DNMBP: variants seen among roughly 807,000 people sequenced by gnomAD.
DNMBP encodes the protein dynamin-binding protein.
In DNMBP, 87 loss-of-function variants were observed where a neutral mutation model predicts 150.0. The ratio of observed to expected loss-of-function variants is 0.58; its 90% CI spans 0.49 to 0.69. DNMBP has a LOEUF of 0.69. DNMBP is among the 30% of genes least tolerant of loss of function. The pLI is 0.00. For missense variants in DNMBP, 1,774 were observed against 1,949.0 expected (o/e 0.91, Z 1.69); for synonymous variants, 711 against 750.4 (o/e 0.95, Z 0.86).
chr10:99,915,106 A>AT (rs57930336), intron 4 of DNMBP, among the ~76,000 whole-genome samples: 3,053 of 102,390 alleles, frequency 0.03, 30 homozygotes, highest in South Asian at 0.055. Context: ...AAAAAAAAAA[A>AT]AAATATATAT....
intron 4 of DNMBP, among the ~76,000 whole-genome samples, chr10:99,915,054 A>T: frequency 6.9e-6 from 1 of 145,564 alleles, no homozygotes; most frequent in African/African-American, 2.5e-5. Context: ...AGATCGTACC[A>T]TTGCACTCCA....
chr10:100,001,015 G>A (rs563943612), intron 1 of DNMBP, among the ~76,000 whole-genome samples: 6 of 151,002 alleles, frequency 4.0e-5, no homozygotes, highest in East Asian at 2.0e-4. Flanking sequence ...GGCAGATCAC[G>A]AGGGAGGAGT....
rs140971832 is a variant in DNMBP at position 99,983,351 on chromosome 10, T to C, written c.-10-11217A>G. 6.3e-3 allele frequency among the ~76,000 whole-genome samples: 965 copies of C among 152,274 alleles called. 27 individuals are homozygous for C. The highest frequency in any genetic ancestry group is 0.052 in the Admixed American group (801 of 15,272). ...CAACACGAAGGCTAAATGAGTAATT[T>C]TTTCCCTTCGCATGAAAGGACGAGA... is the stretch of plus-strand genomic sequence containing the variant. On this transcript the variant is annotated intron_variant, in intron 1 of 16. Transcript: ENST00000324109.
chr10:99,974,802 T>C (rs1444083606), intron 1 of DNMBP, among the ~76,000 whole-genome samples: 2 of 152,138 alleles, frequency 1.3e-5, no homozygotes, highest in Non-Finnish European at 2.9e-5. Flanking sequence ...TGAGACAGGG[T>C]CCTATTCTGA....
chr10:99,877,612 C>T (rs2039297079), intron 16 of DNMBP, among the ~76,000 whole-genome samples: 1 of 151,978 alleles, frequency 6.6e-6, no homozygotes, highest in Admixed American at 6.6e-5. Flanking sequence ...GCCTGTAATC[C>T]CAGCACTCTG....
chr10:99,882,020 C>T (rs900513144), intron 15 of DNMBP, among the ~76,000 whole-genome samples: 10 of 152,160 alleles, frequency 6.6e-5, no homozygotes, highest in South Asian at 2.1e-4. Context: ...GTCAGCACCC[C>T]GTAATCAATT....
At chr10:99,899,822 TTAAAA>T (rs762603166) in intron 7 of DNMBP, 92 bp downstream of exon 7, 53 of 1,344,690 alleles carry the variant, frequency 3.9e-5, no homozygotes, top group Non-Finnish European at 5.3e-5. Flanking sequence ...TATCTTATGT[TTAAAA>T]TAAGATGTCA....
At position 99,956,090 on chromosome 10, in the gene DNMBP, T is replaced by A; in HGVS notation, c.1384A>T (p.Lys462Ter). 6.2e-7 allele frequency: 1 copy of A among 1,614,188 alleles called. No homozygotes were observed. The highest frequency in any genetic ancestry group is 8.5e-7 in the Non-Finnish European group (1 of 1,180,040). Residue 462 changes from lysine (K) to a stop codon, truncating the protein, a stop_gained, in exon 4 of 17, where the codon AAA becomes TAA. Coordinates refer to ENST00000324109, the MANE Select transcript of DNMBP (RefSeq NM_015221.4). LOFTEE classifies it high-confidence loss of function. ...GTTTTTAGCTGGGAATACATTCTTT[T>A]GGGAGGTAGGCTGGCATAGTCTCTA... The part of the protein sequence containing the change: ...RTRDYASLPP[K>*]RMYSQLKTLQ...
In DNMBP at chr10:99,955,333, T is replaced by A. The variant is rs763967395; in HGVS notation, c.2141A>T (p.Glu714Val). ...CTTCTCCTCCAGCATGAGGTTTAGC[T>A]CTTCTTGAGCTCTACTGTACATATC... The part of the protein sequence containing the change: ...DLDMYSRAQE[E>V]LNLMLEEKQD... The change falls in exon 4 of 17, where the codon GAG becomes GTG. Residue 714 changes from glutamate (E) to valine (V), a missense_variant. Glu to Val is a moderately radical substitution (Grantham distance 121). Around this residue, in one of 2 missense-constraint regions of DNMBP, gnomAD observed 1,430 missense variants for 1,492.5 expected, o/e 0.96. Transcript: ENST00000324109. 3 of 1,614,174 alleles carry A rather than the reference T, an allele frequency of 1.9e-6. No homozygotes were observed. Among genetic ancestry groups the A allele is most frequent in the Non-Finnish European group, 1.7e-6 (2 of 1,180,028 alleles).
At chr10:99,887,260 G>A (rs1377780331) in intron 12 of DNMBP, among the ~76,000 whole-genome samples, 1 of 152,132 alleles carries the variant, frequency 6.6e-6, no homozygotes. Context: ...TCTTGGTTGG[G>A]AACGGTGGCT....
intron 1 of DNMBP, among the ~76,000 whole-genome samples, chr10:99,998,660 T>C (rs1367519766): frequency 1.3e-5 from 2 of 151,488 alleles, no homozygotes; most frequent in Non-Finnish European, 2.9e-5. Context: ...AACAAATCAA[T>C]TGTTTAAGGA....
intron 4 of DNMBP, among the ~76,000 whole-genome samples, chr10:99,946,015 G>C (rs2133312934): frequency 6.6e-6 from 1 of 152,230 alleles, no homozygotes; most frequent in East Asian, 1.9e-4. Context: ...GTAGTGCAGT[G>C]GCACGATCTT....
chr10:99,909,715 ATTG>A lies in DNMBP; in HGVS notation c.2261-572_2261-570del, dbSNP rs375434470. On this transcript the variant is annotated intron_variant, in intron 4 of 16. Transcript: ENST00000324109. ...GCATATAATGAAATAGGTAAAAAAA[ATTG>A]TTTAGATTTTCCCTATGAAAACCTT... 7.7e-4 allele frequency among the ~76,000 whole-genome samples: 118 copies of A among 152,328 alleles called. 2 individuals are homozygous for A. The highest frequency in any genetic ancestry group is 2.4e-3 in the African/African-American group (100 of 41,572).
At chr10:99,880,878 T>C (rs991574805) in intron 15 of DNMBP, among the ~76,000 whole-genome samples, 12 of 152,140 alleles carry the variant, frequency 7.9e-5, no homozygotes, top group African/African-American at 1.2e-4. Context: ...GATGAGAGGA[T>C]TGCTTGAGCC....
chr10:99,940,003 G>T (rs933013063), intron 4 of DNMBP, among the ~76,000 whole-genome samples: 3 of 152,172 alleles, frequency 2.0e-5, no homozygotes, highest in Admixed American at 2.0e-4. Context: ...AAAAACCTCT[G>T]CATTTTTTAG....
chr10:99,959,516 CA>C (rs544247848), intron 3 of DNMBP, among the ~76,000 whole-genome samples: 58 of 151,498 alleles, frequency 3.8e-4, no homozygotes, highest in Non-Finnish European at 6.8e-4. Flanking sequence ...AAAAACCACC[CA>C]AAAAAACAAA....
rs7899317 is a variant in DNMBP at position 99,967,670 on chromosome 10, T to G, written c.268+1445A>C. On this transcript the variant is annotated intron_variant, in intron 3 of 16. Transcript: ENST00000324109. Reference sequence around the variant, plus strand: ...GAGAAGTTTGATAGGTTTTTCTGGGTGTGTGTGTGTGTGTGTGTGTGTGTG... The same window carrying G: ...GAGAAGTTTGATAGGTTTTTCTGGGGGTGTGTGTGTGTGTGTGTGTGTGTG... Among the ~76,000 whole-genome samples the G allele has an allele frequency of 8.2e-3, 1,143 of 138,582 alleles. 10 individuals are homozygous for G. The highest frequency in any genetic ancestry group is 0.03 in the African/African-American group (1,005 of 33,394). The allele number at this position is 138,582 out of a possible 152,430, so 90.9% of individuals were successfully genotyped here.
At chr10:100,003,676 G>A (rs2133392284) in intron 1 of DNMBP, among the ~76,000 whole-genome samples, 1 of 152,222 alleles carries the variant, frequency 6.6e-6, no homozygotes, top group East Asian at 1.9e-4. Context: ...GCAACAGAGT[G>A]AGACCTCATC....
At chr10:99,909,855 A>T (rs891726396) in intron 4 of DNMBP, among the ~76,000 whole-genome samples, 5 of 152,234 alleles carry the variant, frequency 3.3e-5, no homozygotes, top group Admixed American at 6.5e-5. Context: ...TCTAAGAACT[A>T]AACTGCATTA....
Sources: gnomAD v4.1 joint callset for allele counts (sites outside exome capture counted in the v4.1 genomes callset) on GRCh38, gnomAD v4.1.1 for gene constraint, gnomAD v4.1.1 regional missense constraint, MANE v1.5 for transcripts, NCBI Gene and HGNC (gene_info 2026-07-23, HGNC 2026-07-21) for gene names.